The following SIPA1L3 variants were observed in gnomAD, a reference collection of about 807,000 sequenced individuals.
SIPA1L3 encodes signal induced proliferation associated 1 like 3.
Under a neutral mutation model 150.1 loss-of-function variants are expected in SIPA1L3, and 59 were observed. The observed-to-expected ratio is 0.39, with a 90% CI of 0.32 to 0.49. SIPA1L3 has a LOEUF of 0.49. SIPA1L3 is among the 20% of genes least tolerant of loss of function. The pLI, the probability that SIPA1L3 is intolerant of heterozygous loss-of-function variation, is 0.86. For synonymous variants in SIPA1L3, 1,070 were observed against 1,077.6 expected (o/e 0.99, Z 0.14); for missense variants, 2,211 against 2,489.5 (o/e 0.89, Z 2.38).
intron 1 of SIPA1L3, among the ~76,000 whole-genome samples, chr19:37,949,983 A>G (rs1052686910): frequency 4.0e-5 from 6 of 149,174 alleles, no homozygotes; most frequent in African/African-American, 1.5e-4. Context: ...AGGCTGAGGC[A>G]GGAGAATCGC....
chr19:38,204,128 G>T lies in SIPA1L3; in HGVS notation c.5122G>T (p.Glu1708Ter). The T allele has an allele frequency of 6.4e-7, 1 of 1,556,574 alleles. No homozygotes were observed. The highest frequency in any genetic ancestry group is 8.7e-7 in the Non-Finnish European group (1 of 1,149,368). ...TGACCTTGTCCCTGGTTTTTCCAGCGAGGAGCCACCCCTGGATCTGACAGG... is the reference window on the plus strand; with the variant it reads ...TGACCTTGTCCCTGGTTTTTCCAGCTAGGAGCCACCCCTGGATCTGACAGG... ...PTPRTTPTMS[E>*]EPPLDLTGKV... The change falls in exon 21 of 22, where the codon GAG (glutamate) becomes TAG (stop). Residue 1708 changes from glutamate (E) to a stop codon, truncating the protein, a stop_gained and splice_region_variant. Coordinates refer to ENST00000222345, the MANE Select transcript of SIPA1L3 (RefSeq NM_015073.3). LOFTEE classifies it high-confidence loss of function.
chr19:37,967,564 T>TTCTTA (rs1405275040), intron 1 of SIPA1L3, among the ~76,000 whole-genome samples: 2 of 152,120 alleles, frequency 1.3e-5, no homozygotes, highest in African/African-American at 2.4e-5. Context: ...AAATTTCCCC[T>TTCTTA]TCTTATAAGG....
At chr19:38,204,077 T>C (rs1973150269) in intron 20 of SIPA1L3, 50 bp from the exon 21 acceptor site, 2 of 1,476,788 alleles carry the variant, frequency 1.4e-6, no homozygotes, top group African/African-American at 2.8e-5. Context: ...CCAGAAGCCT[T>C]CCCCAGGGGC....
intron 1 of SIPA1L3, among the ~76,000 whole-genome samples, chr19:37,985,682 A>T (rs1407065921): frequency 6.6e-6 from 1 of 152,060 alleles, no homozygotes; most frequent in Non-Finnish European, 1.5e-5. Flanking sequence ...ATGTGTTGGG[A>T]GGGATTTGTA....
intron 18 of SIPA1L3, among the ~76,000 whole-genome samples, chr19:38,197,682 G>A (rs1031275531): frequency 2.0e-5 from 3 of 150,946 alleles, no homozygotes; most frequent in East Asian, 2.0e-4. Flanking sequence ...GATCAGAGCC[G>A]CAATCCTGGC....
rs776364522 is a variant in SIPA1L3, at chr19:38,198,528, C to T, written c.4980C>T (p.Tyr1660=). ...GCCTGGTGAACGCAGCCAAGGCATACGAAGGTAGGCGCCTTCCACCCAGTC... is the reference window on the plus strand; with the variant it reads ...GCCTGGTGAACGCAGCCAAGGCATATGAAGGTAGGCGCCTTCCACCCAGTC... ...WSSLVNAAKA[Y]EVQRAVSLFS... Residue 1660 remains tyrosine, a synonymous_variant, in exon 19 of 22, where the codon TAC becomes TAT. Transcript: ENST00000222345. The T allele has an allele frequency of 1.9e-5, 29 of 1,554,746 alleles. No individual in the cohort carries two copies. The African/African-American group carries it at 2.1e-4, about 11-fold the overall frequency.
chr19:37,916,171 C>T lies in SIPA1L3; in HGVS notation c.-379+8813C>T, dbSNP rs532066567. Among the ~76,000 whole-genome samples, 43 of 151,960 alleles carry T rather than the reference C, an allele frequency of 2.8e-4. No individual in the cohort carries two copies. In the South Asian group the frequency reaches 6.9e-3, roughly 24 times the overall value. Reference sequence around the variant, plus strand: ...CCTCCACAGTAGCTGGGATTACAGGCGCCCACCACCACACCCGGCTAATTT... The same window carrying T: ...CCTCCACAGTAGCTGGGATTACAGGTGCCCACCACCACACCCGGCTAATTT... On this transcript the variant is annotated intron_variant, in intron 1 of 21. Coordinates refer to ENST00000222345, the MANE Select transcript of SIPA1L3 (RefSeq NM_015073.3).
intron 2 of SIPA1L3, among the ~76,000 whole-genome samples, chr19:38,057,350 A>G (rs1012122957): frequency 6.6e-6 from 1 of 150,922 alleles, no homozygotes; most frequent in Non-Finnish European, 1.5e-5. Flanking sequence ...GTATATATAT[A>G]CGTATATATA....
chr19:37,982,128 G>A (rs1967216616), intron 1 of SIPA1L3, among the ~76,000 whole-genome samples: 2 of 152,210 alleles, frequency 1.3e-5, no homozygotes, highest in Non-Finnish European at 2.9e-5. Flanking sequence ...AGTTGTAAAG[G>A]TTCTCGAATT....
rs200495224 is a variant in SIPA1L3, at chr19:38,198,487, G to A, written c.4939G>A (p.Gly1647Ser). ...GLMPLPDTAA[G>S]LEWSSLVNAA... is the part of the protein sequence containing the mutation. ...GATGCCCCTGCCTGACACAGCTGCTGGCCTCGAGTGGTCCAGCCTGGTGAA... is the reference window on the plus strand; with the variant it reads ...GATGCCCCTGCCTGACACAGCTGCTAGCCTCGAGTGGTCCAGCCTGGTGAA... Residue 1647 changes from glycine (G) to serine (S), a missense_variant, in exon 19 of 22, where the codon GGC (glycine) becomes AGC (serine). This residue lies in a region of SIPA1L3 where 806 missense variants were observed against 870.1 expected (regional missense o/e 0.93). Transcript: ENST00000222345. 8 of 1,602,320 alleles carry A rather than the reference G, an allele frequency of 5.0e-6. No homozygotes were observed. The East Asian group carries it at 1.8e-4, about 37-fold the overall frequency.
chr19:38,110,229 G>A lies in SIPA1L3; in HGVS notation c.2136G>A (p.Leu712=). Residue 712 remains leucine, a splice_region_variant and synonymous_variant, in exon 8 of 22, where the codon CTG becomes CTA. Transcript: ENST00000222345. The part of the protein sequence containing the change: ...LPYTPNNRQQ[L]LRKRHIGNDI... Reference sequence around the variant, plus strand: ...CCCCCTCTGTTGCCCTTTCCCAGCTGCTACGGAAGAGGCACATAGGAAATG... The same window carrying A: ...CCCCCTCTGTTGCCCTTTCCCAGCTACTACGGAAGAGGCACATAGGAAATG... 1 of 1,613,968 alleles carries A rather than the reference G, an allele frequency of 6.2e-7. No homozygotes were observed. The highest frequency in any genetic ancestry group is 1.3e-5 in the African/African-American group (1 of 75,020).
intron 1 of SIPA1L3, among the ~76,000 whole-genome samples, chr19:37,922,484 C>A (rs1303006193): frequency 6.6e-6 from 1 of 151,372 alleles, no homozygotes; most frequent in Non-Finnish European, 1.5e-5. Context: ...ATCTCCATCT[C>A]CCGGGTTCCA....
intron 2 of SIPA1L3, among the ~76,000 whole-genome samples, chr19:38,034,419 A>C (rs973644859): frequency 6.6e-6 from 1 of 151,624 alleles, no homozygotes; most frequent in African/African-American, 2.4e-5. Flanking sequence ...CGAGTGGTGA[A>C]GCTGCCTGCC....
Position 38,142,449 on chromosome 19 carries a change from G to A in SIPA1L3, c.3396-124G>A, listed in dbSNP as rs936818430. On this transcript the variant is annotated intron_variant, in intron 11 of 21. Transcript: ENST00000222345. ...AGCAGAAGGGATGTGGCTGGGCGGGGGAAAGTTCGGTTGGTCTGTCTGTCT... is the reference window on the plus strand; with the variant it reads ...AGCAGAAGGGATGTGGCTGGGCGGGAGAAAGTTCGGTTGGTCTGTCTGTCT... 17 of 1,116,314 alleles carry A rather than the reference G, an allele frequency of 1.5e-5. No individual in the cohort carries two copies. The East Asian group carries it at 2.3e-4, about 15-fold the overall frequency. The allele number at this position is 1,116,314 out of a possible 1,614,324, so 69.2% of individuals were successfully genotyped here.
intron 20 of SIPA1L3, 105 bp from the exon 21 acceptor site, chr19:38,204,022 G>T: frequency 1.2e-6 from 1 of 846,402 alleles, no homozygotes. Flanking sequence ...TTGCTAGAAT[G>T]TCAGGGATAA....
intron 2 of SIPA1L3, among the ~76,000 whole-genome samples, chr19:38,075,231 C>T (rs1205277274): frequency 6.6e-6 from 1 of 152,114 alleles, no homozygotes; most frequent in East Asian, 1.9e-4. Context: ...CCGAGGTAGG[C>T]AGATCACCTG....
intron 4 of SIPA1L3, among the ~76,000 whole-genome samples, chr19:38,095,298 G>A (rs1322922911): frequency 6.6e-6 from 1 of 152,116 alleles, no homozygotes; most frequent in African/African-American, 2.4e-5. Flanking sequence ...TATCAATGAG[G>A]AAATAGGGAA....
chr19:37,989,093 T>C (rs2145631474), intron 1 of SIPA1L3, among the ~76,000 whole-genome samples: 1 of 152,158 alleles, frequency 6.6e-6, no homozygotes, highest in East Asian at 1.9e-4. Context: ...GCCTGCCGTG[T>C]AGGAGGTGTT....
At chr19:37,947,611 T>C (rs1055745288) in intron 1 of SIPA1L3, among the ~76,000 whole-genome samples, 2 of 152,136 alleles carry the variant, frequency 1.3e-5, no homozygotes, top group Admixed American at 1.3e-4. Context: ...AGCCAGGCCC[T>C]GGTCTGTCAA....
Sources: gnomAD v4.1 joint callset for allele counts (sites outside exome capture counted in the v4.1 genomes callset) on GRCh38, gnomAD v4.1.1 for gene constraint, gnomAD v4.1.1 regional missense constraint, MANE v1.5 for transcripts, NCBI Gene and HGNC (gene_info 2026-07-23, HGNC 2026-07-21) for gene names.